SERPINI1: variants seen among roughly 807,000 people sequenced by gnomAD.
The protein encoded by SERPINI1 is serpin family I member 1, also known as neuroserpin.
In SERPINI1, 19 loss-of-function variants were observed where a neutral mutation model predicts 41.1. The ratio of observed to expected loss-of-function variants is 0.46; its 90% CI spans 0.32 to 0.68. The LOEUF is 0.68. Ranked by LOEUF, SERPINI1 falls within the 30% of genes least tolerant of loss-of-function variation. SERPINI1 has a pLI of 0.03. For missense variants in SERPINI1, 460 were observed against 479.2 expected, an observed-to-expected ratio of 0.96 and a Z score of 0.37; for synonymous variants, 138 against 156.6, an observed-to-expected ratio of 0.88 and a Z score of 0.89.
intron 1 of SERPINI1, among the ~76,000 whole-genome samples, chr3:167,758,963 T>G (rs985570810): frequency 1.3e-5 from 2 of 152,190 alleles, no homozygotes; most frequent in Non-Finnish European, 2.9e-5. Flanking sequence ...TATATTTGAG[T>G]GGCTCTTTAT....
chr3:167,798,302 A>G (rs1328127260), intron 5 of SERPINI1, among the ~76,000 whole-genome samples: 1 of 152,164 alleles, frequency 6.6e-6, no homozygotes, highest in Non-Finnish European at 1.5e-5. Context: ...ATTATCATGT[A>G]TCAATTTTTC....
intron 1 of SERPINI1, among the ~76,000 whole-genome samples, chr3:167,775,926 T>A: frequency 6.6e-6 from 1 of 152,022 alleles, no homozygotes; most frequent in Middle Eastern, 3.4e-3. Flanking sequence ...TCCACTGCAC[T>A]CCAGCCTGGG....
chr3:167,753,864 T>C (rs1437784083), intron 1 of SERPINI1, among the ~76,000 whole-genome samples: 1 of 152,210 alleles, frequency 6.6e-6, no homozygotes, highest in East Asian at 1.9e-4. Flanking sequence ...AATTATATAG[T>C]GATGCTACTG....
intron 1 of SERPINI1, among the ~76,000 whole-genome samples, chr3:167,743,033 C>T (rs192927628): frequency 1.5e-3 from 231 of 152,084 alleles, no homozygotes; most frequent in African/African-American, 5.4e-3. Flanking sequence ...AAACACTTTT[C>T]GTAAAACTTG....
intron 1 of SERPINI1, among the ~76,000 whole-genome samples, chr3:167,788,132 A>G (rs922355338): frequency 6.6e-6 from 1 of 152,202 alleles, no homozygotes; most frequent in Non-Finnish European, 1.5e-5. Context: ...CAGTGACAAA[A>G]TGGGAGAATA....
intron 1 of SERPINI1, among the ~76,000 whole-genome samples, chr3:167,764,064 G>A (rs1008748326): frequency 2.0e-5 from 3 of 151,570 alleles, no homozygotes; most frequent in East Asian, 1.9e-4. Flanking sequence ...TATCTTTATT[G>A]CAAAAAACAC....
intron 1 of SERPINI1, among the ~76,000 whole-genome samples, chr3:167,772,881 T>C (rs1577409741): frequency 1.5e-5 from 1 of 68,720 alleles, no homozygotes; most frequent in South Asian, 4.3e-4. Flanking sequence ...TATATATATA[T>C]ATATATATAT....
chr3:167,743,747 A>G (rs556832605), intron 1 of SERPINI1, among the ~76,000 whole-genome samples: 3 of 152,244 alleles, frequency 2.0e-5, no homozygotes, highest in East Asian at 3.9e-4. Context: ...TGGAAGACAC[A>G]TTTACATTAC....
intron 1 of SERPINI1, among the ~76,000 whole-genome samples, chr3:167,740,723 C>CGT (rs138413821): frequency 1.3e-5 from 2 of 151,924 alleles, no homozygotes; most frequent in Non-Finnish European, 2.9e-5. Flanking sequence ...CGCTTGTGTG[C>CGT]GTGTGTGTGT....
At chr3:167,810,526 A>G (rs565578248) in intron 6 of SERPINI1, among the ~76,000 whole-genome samples, 21 of 152,316 alleles carry the variant, frequency 1.4e-4, no homozygotes, top group African/African-American at 4.8e-4. Flanking sequence ...CTGAAAAAGT[A>G]AAGCATATAC....
At chr3:167,805,215 T>C (rs1711587934) in intron 5 of SERPINI1, among the ~76,000 whole-genome samples, 1 of 152,168 alleles carries the variant, frequency 6.6e-6, no homozygotes, top group Admixed American at 6.5e-5. Context: ...ATCTGTTGTT[T>C]CCTGACTTTT....
intron 1 of SERPINI1, among the ~76,000 whole-genome samples, chr3:167,757,510 T>TCA (rs143893182): frequency 0.025 from 3,682 of 149,524 alleles, 113 homozygotes; most frequent in East Asian, 0.18. Context: ...TCTCTCTCTC[T>TCA]CACACACACA....
intron 1 of SERPINI1, among the ~76,000 whole-genome samples, chr3:167,774,968 TATA>T (rs1466320972): frequency 6.6e-6 from 1 of 152,050 alleles, no homozygotes; most frequent in Non-Finnish European, 1.5e-5. Flanking sequence ...AAGCTACAAA[TATA>T]ATACAAATAC....
chr3:167,825,093 AAGAG>A (rs1245026922), intron 8 of SERPINI1, among the ~76,000 whole-genome samples, 150 bp from the exon 9 acceptor site: 1 of 151,614 alleles, frequency 6.6e-6, no homozygotes, highest in East Asian at 1.9e-4. Context: ...AAAAGGAAGG[AAGAG>A]AGAGAGGAAG....
At chr3:167,822,801 A>G in intron 6 of SERPINI1, 185 bp from the exon 7 acceptor site, 1 of 535,030 alleles carries the variant, frequency 1.9e-6, no homozygotes, top group Non-Finnish European at 3.3e-6. Flanking sequence ...AAAAGAATAT[A>G]AAATGAGGGC....
chr3:167,760,994 C>T (rs1198757722), intron 1 of SERPINI1, among the ~76,000 whole-genome samples: 2 of 152,170 alleles, frequency 1.3e-5, no homozygotes, highest in African/African-American at 2.4e-5. Context: ...AGTACAACAG[C>T]TGTTCCTTAG....
At chr3:167,795,005 A>G (rs1365085313) in intron 5 of SERPINI1, among the ~76,000 whole-genome samples, 181 bp downstream of exon 5, 1 of 150,772 alleles carries the variant, frequency 6.6e-6, no homozygotes, top group Non-Finnish European at 1.5e-5. Context: ...TCTTTTTAGT[A>G]TTCTTTCATA....
At chr3:167,763,356 T>TG (rs34196461) in intron 1 of SERPINI1, among the ~76,000 whole-genome samples, 4 of 145,096 alleles carry the variant, frequency 2.8e-5, no homozygotes, top group East Asian at 2.0e-4. Context: ...CAACCACAGT[T>TG]TTGTGTGTGT....
chr3:167,769,782 T>G (rs1726682412), intron 1 of SERPINI1, among the ~76,000 whole-genome samples: 1 of 152,154 alleles, frequency 6.6e-6, no homozygotes, highest in Non-Finnish European at 1.5e-5. Flanking sequence ...TTGAAAAGTT[T>G]GACCATGTTT....
Sources: gnomAD v4.1 joint callset for allele counts (sites outside exome capture counted in the v4.1 genomes callset) on GRCh38, gnomAD v4.1.1 for gene constraint, MANE v1.5 for transcripts, NCBI Gene and HGNC (gene_info 2026-07-23, HGNC 2026-07-21) for gene names.